BPNT2: variants seen among roughly 807,000 people sequenced by gnomAD.
The protein encoded by BPNT2 is 3'(2'), 5'-bisphosphate nucleotidase 2, also known as Golgi-resident adenosine 3',5'-bisphosphate 3'-phosphatase.
In BPNT2, 11 loss-of-function variants were observed where a neutral mutation model predicts 29.3. That is an observed-to-expected ratio of 0.38 (90% confidence interval 0.24 to 0.62). The LOEUF (loss-of-function observed/expected upper bound fraction) is 0.62, where lower values mean the gene tolerates loss of function less well. Among genes scored for constraint, BPNT2 ranks in the 20% least tolerant of loss-of-function variants. The probability of loss-of-function intolerance (pLI) is 0.62; values close to 1 mark genes in which losing one functional copy is unlikely to be tolerated. For missense variants in BPNT2, 459 were observed against 473.4 expected, an observed-to-expected ratio of 0.97 and a Z score of 0.28; for synonymous variants, 195 against 187.7, an observed-to-expected ratio of 1.04 and a Z score of -0.32.
chr8:56,983,049 C>T lies in BPNT2; in HGVS notation c.388-2852G>A, dbSNP rs141118151. Reference sequence around the variant, plus strand: ...GGAAAGGCAAATCTATAGAGAAAGACCGATTAGTGGTTGCCTGGGATAAGG... The same window carrying T: ...GGAAAGGCAAATCTATAGAGAAAGATCGATTAGTGGTTGCCTGGGATAAGG... On this transcript the variant is annotated intron_variant, in intron 1 of 4. Coordinates refer to ENST00000262644, the MANE Select transcript of BPNT2 (RefSeq NM_017813.5). 7.6e-3 allele frequency among the ~76,000 whole-genome samples: 1,158 copies of T among 152,088 alleles called. 11 individuals carry two copies. Among genetic ancestry groups the T allele is most frequent in the African/African-American group, 0.023 (955 of 41,508 alleles).
Position 56,959,183 on chromosome 8 carries a change from T to G in BPNT2, c.*4610A>C, listed in dbSNP as rs1805786659. On this transcript the variant is annotated 3_prime_UTR_variant, in exon 5 of 5. Coordinates refer to ENST00000262644, the MANE Select transcript of BPNT2 (RefSeq NM_017813.5). ...TAACAAGTCATTTCAATATTATTCA[T>G]CATCCTTAACTTCTGAAAGTTTGGT... 6.6e-6 allele frequency: 1 copy of G among 152,244 alleles called. No homozygotes were observed. Among genetic ancestry groups the G allele is most frequent in the Non-Finnish European group, 1.5e-5 (1 of 68,030 alleles). 9.4% of individuals were successfully genotyped at this position (152,244 alleles called of 1,614,324 possible).
At chr8:56,972,188 T>C (rs1159341530) in intron 3 of BPNT2, among the ~76,000 whole-genome samples, 2 of 152,170 alleles carry the variant, frequency 1.3e-5, no homozygotes, top group African/African-American at 4.8e-5. Flanking sequence ...AGTGATCTTT[T>C]GTGGGTTTTG....
rs1270118158 is a variant in BPNT2 at position 56,962,497 on chromosome 8, T to C, written c.*1296A>G. On this transcript the variant is annotated 3_prime_UTR_variant, in exon 5 of 5. Transcript: ENST00000262644. The stretch of plus-strand genomic sequence containing the variant: ...GAAATAACGGCATGGGTAGTTTACA[T>C]GAAGTTTCCAGATTTCACATTGAGA... 1 of 152,192 alleles carries C rather than the reference T, an allele frequency of 6.6e-6. No individual in the cohort carries two copies. The highest frequency in any genetic ancestry group is 1.5e-5 in the Non-Finnish European group (1 of 68,028). 9.4% of individuals were successfully genotyped at this position (152,192 alleles called of 1,614,324 possible). A position where few individuals can be genotyped will look rare whatever the true frequency, so the allele number is the denominator to read the frequency against.
intron 3 of BPNT2, among the ~76,000 whole-genome samples, chr8:56,977,625 GTAC>G (rs140821894): frequency 1.4e-5 from 2 of 138,892 alleles, no homozygotes; most frequent in Admixed American, 1.4e-4. Flanking sequence ...CATGGCAGAT[GTAC>G]TACGTTGAGA....
At chr8:56,981,938 T>C (rs1806252081) in intron 1 of BPNT2, among the ~76,000 whole-genome samples, 1 of 152,062 alleles carries the variant, frequency 6.6e-6, no homozygotes, top group African/African-American at 2.4e-5. Context: ...TGACAATACA[T>C]GAGTATTGTC....
chr8:56,977,820 CAA>C (rs1806168962), intron 3 of BPNT2, among the ~76,000 whole-genome samples: 1 of 151,958 alleles, frequency 6.6e-6, no homozygotes, highest in African/African-American at 2.4e-5. Context: ...CTAAAAGAAA[CAA>C]AAAAGATACT....
intron 3 of BPNT2, among the ~76,000 whole-genome samples, chr8:56,968,788 AAGTTT>A (rs1166434345): frequency 1.3e-5 from 2 of 152,230 alleles, no homozygotes; most frequent in African/African-American, 4.8e-5. Flanking sequence ...TACATCATTG[AAGTTT>A]AGTGGGTTGA....
chr8:56,965,620 T>C (rs539691183), intron 4 of BPNT2, among the ~76,000 whole-genome samples: 1 of 152,276 alleles, frequency 6.6e-6, no homozygotes, highest in African/African-American at 2.4e-5. Context: ...TATATATGGC[T>C]CATGAGGCTT....
intron 3 of BPNT2, among the ~76,000 whole-genome samples, chr8:56,977,731 A>C (rs1012165966): frequency 1.3e-5 from 2 of 152,166 alleles, no homozygotes; most frequent in African/African-American, 2.4e-5. Context: ...AGAGAATGCC[A>C]TATGATGATG....
chr8:56,983,678 T>C (rs1457951314), intron 1 of BPNT2, among the ~76,000 whole-genome samples: 1 of 152,186 alleles, frequency 6.6e-6, no homozygotes, highest in Non-Finnish European at 1.5e-5. Context: ...AGTTGATTAT[T>C]GAGCACTGAG....
chr8:56,967,150 C>T (rs1210627204), intron 3 of BPNT2: 1 of 456,254 alleles, frequency 2.2e-6, no homozygotes, highest in South Asian at 1.5e-5. Flanking sequence ...AGCAGTCACT[C>T]ACTACAGGGC....
intron 1 of BPNT2, among the ~76,000 whole-genome samples, chr8:56,981,469 G>A (rs1312030658): frequency 6.6e-6 from 1 of 152,058 alleles, no homozygotes; most frequent in Non-Finnish European, 1.5e-5. Flanking sequence ...GGAGGCTGAG[G>A]CAGGAGAATC....
At chr8:56,976,569 G>C (rs1449384049) in intron 3 of BPNT2, among the ~76,000 whole-genome samples, 1 of 152,028 alleles carries the variant, frequency 6.6e-6, no homozygotes, top group African/African-American at 2.4e-5. Context: ...ATGAAAAGAA[G>C]AAAAAAGGTC....
chr8:56,969,578 T>C (rs1585557553), intron 3 of BPNT2, among the ~76,000 whole-genome samples: 1 of 143,724 alleles, frequency 7.0e-6, no homozygotes, highest in Non-Finnish European at 1.5e-5. Flanking sequence ...AGTCGAAAAG[T>C]AAACATCAAA....
chr8:56,970,184 T>A (rs2129204040), intron 3 of BPNT2, among the ~76,000 whole-genome samples: 1 of 152,240 alleles, frequency 6.6e-6, no homozygotes, highest in Admixed American at 6.5e-5. Flanking sequence ...AAAATAAAAA[T>A]TTTGTAACTA....
At chr8:56,978,241 T>C in intron 2 of BPNT2, 96 bp from the exon 3 acceptor site, 1 of 830,002 alleles carries the variant, frequency 1.2e-6, no homozygotes, top group Non-Finnish European at 2.1e-6. Flanking sequence ...AAAAAATTTA[T>C]ATACATGAAA....
At chr8:56,990,957 T>C (rs1181833619) in intron 1 of BPNT2, among the ~76,000 whole-genome samples, 1 of 152,216 alleles carries the variant, frequency 6.6e-6, no homozygotes, top group Non-Finnish European at 1.5e-5. Context: ...ATGGTCTTTT[T>C]CCACTAGGAA....
At chr8:56,966,949 C>T (rs1180629492) in intron 3 of BPNT2, among the ~76,000 whole-genome samples, 1 of 152,194 alleles carries the variant, frequency 6.6e-6, no homozygotes, top group Non-Finnish European at 1.5e-5. Context: ...GTTAGGTTTA[C>T]ATATCAGCCT....
At chr8:56,988,445 G>T (rs908675432) in intron 1 of BPNT2, among the ~76,000 whole-genome samples, 1 of 152,212 alleles carries the variant, frequency 6.6e-6, no homozygotes, top group Non-Finnish European at 1.5e-5. Flanking sequence ...CTAGCTCCCT[G>T]TAAGGTTCTT....
Sources: allele counts gnomAD v4.1 joint callset (sites outside exome capture counted in the v4.1 genomes callset), GRCh38; gene constraint gnomAD v4.1.1; transcripts MANE v1.5; gene names NCBI Gene and HGNC (gene_info 2026-07-23, HGNC 2026-07-21).